Variants in NDUFB5 observed in about 807,000 individuals in gnomAD.
NDUFB5 encodes NADH:ubiquinone oxidoreductase subunit B5.
In NDUFB5, 19 loss-of-function variants were observed where a neutral mutation model predicts 19.4. The ratio of observed to expected loss-of-function variants is 0.98; its 90% CI spans 0.68 to 1.43. The LOEUF is 1.43. Ranked by LOEUF, NDUFB5 falls within the 40% of genes most tolerant of loss-of-function variation. The pLI, the probability that NDUFB5 is intolerant of heterozygous loss-of-function variation, is 0.00. For missense variants in NDUFB5, 233 were observed against 236.5 expected (o/e 0.99, Z 0.10); for synonymous variants, 80 against 82.6 (o/e 0.97, Z 0.17).
rs1008916830 is a variant in NDUFB5, at chr3:179,625,111, A to G, written c.*1071A>G. ...CATTATTTTCAAAATGACAAGAGGT[A>G]GTATTTAGTACCTGAGGCTCAGATG... is the stretch of plus-strand genomic sequence containing the variant. On this transcript the variant is annotated 3_prime_UTR_variant, in exon 6 of 6. Transcript: ENST00000259037. 5.3e-5 allele frequency: 8 copies of G among 152,244 alleles called. No homozygotes were observed. Among genetic ancestry groups the G allele is most frequent in the Non-Finnish European group, 7.3e-5 (5 of 68,040 alleles). The allele number at this position is 152,244 out of a possible 1,614,324, so 9.4% of individuals were successfully genotyped here.
chr3:179,620,477 C>T (rs952703748), intron 5 of NDUFB5, among the ~76,000 whole-genome samples: 12 of 152,142 alleles, frequency 7.9e-5, no homozygotes, highest in Non-Finnish European at 1.0e-4. Flanking sequence ...TTCTTGTTTT[C>T]GTCAAGTTTG....
chr3:179,608,785 G>A (rs1246464203), intron 1 of NDUFB5, among the ~76,000 whole-genome samples: 1 of 152,160 alleles, frequency 6.6e-6, no homozygotes, highest in Non-Finnish European at 1.5e-5. Context: ...GGAGGTTTGG[G>A]AAGTTCCTTC....
At position 179,624,008 on chromosome 3, in the gene NDUFB5, G is replaced by C; in HGVS notation, c.538G>C (p.Asp180His). ...TGAGACAATTGACAAGGAACTTATT[G>C]ATCATTCTCCGAAAGCAACTCCTGA... ...YYETIDKELI[D>H]HSPKATPDN is the part of the protein sequence containing the mutation. Residue 180 changes from aspartate (D) to histidine (H), a missense_variant, in exon 6 of 6, where the codon GAT becomes CAT. Coordinates refer to ENST00000259037, the MANE Select transcript of NDUFB5 (RefSeq NM_002492.4). The C allele has an allele frequency of 6.2e-7, 1 of 1,613,808 alleles. No individual in the cohort carries two copies. Among genetic ancestry groups the C allele is most frequent in the Non-Finnish European group, 8.5e-7 (1 of 1,179,854 alleles).
At chr3:179,613,813 G>A (rs1719308982) in intron 1 of NDUFB5, among the ~76,000 whole-genome samples, 1 of 152,104 alleles carries the variant, frequency 6.6e-6, no homozygotes, top group Non-Finnish European at 1.5e-5. Context: ...CTTAAAAGTG[G>A]CAGCAGTAAA....
In NDUFB5 at chr3:179,607,946, C is replaced by A; in HGVS notation, c.124+3007C>A. The A allele has an allele frequency of 4.9e-6, 3 of 612,546 alleles. No individual in the cohort carries two copies. In the South Asian group the frequency reaches 5.9e-5, roughly 12 times the overall value. The allele number at this position is 612,546 out of a possible 1,614,324, so 37.9% of individuals were successfully genotyped here. On this transcript the variant is annotated intron_variant, in intron 1 of 5. Coordinates refer to ENST00000259037, the MANE Select transcript of NDUFB5 (RefSeq NM_002492.4). Reference sequence around the variant, plus strand: ...CGTTGTCCATTGTATGTATTTACCCCATTTTGCTTATCCATCATCTGTCAA... The same window carrying A: ...CGTTGTCCATTGTATGTATTTACCCAATTTTGCTTATCCATCATCTGTCAA...
At chr3:179,619,012 G>T (rs1719456372) in intron 5 of NDUFB5, among the ~76,000 whole-genome samples, 1 of 151,930 alleles carries the variant, frequency 6.6e-6, no homozygotes, top group East Asian at 1.9e-4. Flanking sequence ...TGTTGCCCCA[G>T]CTGGGAAGCA....
In NDUFB5 at chr3:179,626,906, C is replaced by T. The variant is rs1176766960; in HGVS notation, c.*2866C>T. 1 of 152,134 alleles carries T rather than the reference C, an allele frequency of 6.6e-6. No individual in the cohort carries two copies. The highest frequency in any genetic ancestry group is 1.9e-4 in the East Asian group (1 of 5,198). 9.4% of individuals were successfully genotyped at this position (152,134 alleles called of 1,614,324 possible). ...TTCCTTATATATTCTGGTTATGAAT[C>T]CCTTGTTAGATGGTGTGTTAGGCCA... On this transcript the variant is annotated 3_prime_UTR_variant, in exon 6 of 6. Transcript: ENST00000259037.
chr3:179,611,731 C>T (rs1025557229), intron 1 of NDUFB5, among the ~76,000 whole-genome samples: 2 of 152,050 alleles, frequency 1.3e-5, no homozygotes, highest in African/African-American at 4.8e-5. Context: ...AAAAAGTTCC[C>T]ACATTCCCAC....
At chr3:179,612,627 C>G (rs893956095) in intron 1 of NDUFB5, among the ~76,000 whole-genome samples, 4 of 151,652 alleles carry the variant, frequency 2.6e-5, no homozygotes, top group African/African-American at 9.7e-5. Context: ...CAGGCGCCTG[C>G]CACCACACCC....
rs1719663678 is a variant in NDUFB5 at position 179,626,148 on chromosome 3, A to G, written c.*2108A>G. 6.6e-6 allele frequency: 1 copy of G among 151,900 alleles called. No individual in the cohort carries two copies. The highest frequency in any genetic ancestry group is 6.6e-5 in the Admixed American group (1 of 15,252). 9.4% of individuals were successfully genotyped at this position (151,900 alleles called of 1,614,324 possible). A position where few individuals can be genotyped will look rare whatever the true frequency, so the allele number is the denominator to read the frequency against. ...ATTTTAACTGGGGTGAGATATCTTAATGTGGTATTGGTTTACATTTCCCTA... is the reference window on the plus strand; with the variant it reads ...ATTTTAACTGGGGTGAGATATCTTAGTGTGGTATTGGTTTACATTTCCCTA... On this transcript the variant is annotated 3_prime_UTR_variant, in exon 6 of 6. Transcript: ENST00000259037.
At position 179,624,572 on chromosome 3, in the gene NDUFB5, T is replaced by TACACACACACACACAC. The variant is rs59680377; in HGVS notation, c.*549_*564dup. 0.11 allele frequency: 13,501 copies of TACACACACACACACAC among 128,206 alleles called. 991 individuals are homozygous for TACACACACACACACAC. Among genetic ancestry groups the TACACACACACACACAC allele is most frequent in the East Asian group, 0.14 (593 of 4,160 alleles). 7.9% of individuals were successfully genotyped at this position (128,206 alleles called of 1,614,324 possible). On this transcript the variant is annotated 3_prime_UTR_variant, in exon 6 of 6. Transcript: ENST00000259037. ...AACTACACACAGACACACAGACACG[T>TACACACACACACACAC]ACACACACACACACACACACACACA...
chr3:179,613,591 T>C (rs993849340), intron 1 of NDUFB5, among the ~76,000 whole-genome samples: 1 of 152,234 alleles, frequency 6.6e-6, no homozygotes, highest in Non-Finnish European at 1.5e-5. Flanking sequence ...CAAAAAAAAT[T>C]ATGTATGTTT....
intron 5 of NDUFB5, among the ~76,000 whole-genome samples, chr3:179,622,192 C>T (rs1324981224): frequency 6.6e-6 from 1 of 152,064 alleles, no homozygotes; most frequent in Non-Finnish European, 1.5e-5. Context: ...GGATCTTGCT[C>T]TGTTGGCCAG....
At chr3:179,618,593 A>C in intron 5 of NDUFB5, 72 bp downstream of exon 5, 1 of 1,000,538 alleles carries the variant, frequency 1.0e-6, no homozygotes, top group Non-Finnish European at 1.5e-6. Flanking sequence ...AAAATTAATA[A>C]AACTATGAAT....
chr3:179,609,903 T>C (rs1213180937), intron 1 of NDUFB5, among the ~76,000 whole-genome samples: 1 of 152,174 alleles, frequency 6.6e-6, no homozygotes, highest in Admixed American at 6.6e-5. Flanking sequence ...ATATCTTCTT[T>C]AGAGAAATGT....
chr3:179,617,012 G>A lies in NDUFB5; in HGVS notation c.310G>A (p.Gly104Ser), dbSNP rs1230803527. ...GQAELAEIPE[G>S]YVPEHWEYYK... Reference sequence around the variant, plus strand: ...AGCTGAACTAGCAGAAATTCCAGAAGGCTATGTCCCAGAACACTGGGAATA... The same window carrying A: ...AGCTGAACTAGCAGAAATTCCAGAAAGCTATGTCCCAGAACACTGGGAATA... The change falls in exon 4 of 6, where the codon GGC becomes AGC. Residue 104 changes from glycine (G) to serine (S), a missense_variant. Gly to Ser is a moderately conservative substitution (Grantham distance 56, BLOSUM62 0). Transcript: ENST00000259037. 6.2e-7 allele frequency: 1 copy of A among 1,612,890 alleles called. No individual in the cohort carries two copies. Among genetic ancestry groups the A allele is most frequent in the Non-Finnish European group, 8.5e-7 (1 of 1,179,162 alleles).
At position 179,626,523 on chromosome 3, in the gene NDUFB5, G is replaced by C. The variant is rs967841343; in HGVS notation, c.*2483G>C. ...AAGTGCAGGTACTTTAGGCGTGCCTGGCCTTTTTGTCCATTTTATTTTTTT... is the reference window on the plus strand; with the variant it reads ...AAGTGCAGGTACTTTAGGCGTGCCTCGCCTTTTTGTCCATTTTATTTTTTT... On this transcript the variant is annotated 3_prime_UTR_variant, in exon 6 of 6. Transcript: ENST00000259037. 6 of 150,246 alleles carry C rather than the reference G, an allele frequency of 4.0e-5. No homozygotes were observed. The highest frequency in any genetic ancestry group is 5.9e-5 in the Non-Finnish European group (4 of 68,076). 9.3% of individuals were successfully genotyped at this position (150,246 alleles called of 1,614,324 possible).
intron 5 of NDUFB5, among the ~76,000 whole-genome samples, chr3:179,619,444 T>C (rs986840620): frequency 1.2e-4 from 18 of 150,802 alleles, no homozygotes; most frequent in Admixed American, 6.0e-4. Context: ...ACTGAGAACA[T>C]GCAGTGTTTG....
At chr3:179,616,425 C>CCAGCTACT (rs1719378806) in intron 3 of NDUFB5, among the ~76,000 whole-genome samples, 1 of 152,030 alleles carries the variant, frequency 6.6e-6, no homozygotes, top group Non-Finnish European at 1.5e-5. Flanking sequence ...GCCTGTAATC[C>CCAGCTACT]CAGCTACTCG....
Sources: allele counts gnomAD v4.1 joint callset (sites outside exome capture counted in the v4.1 genomes callset), GRCh38; gene constraint gnomAD v4.1.1; transcripts MANE v1.5; gene names NCBI Gene and HGNC (gene_info 2026-07-23, HGNC 2026-07-21).